The following TNXB variants were observed in gnomAD, a reference collection of about 807,000 sequenced individuals.
TNXB encodes the protein tenascin-X.
In TNXB, 183 loss-of-function variants were observed where a neutral mutation model predicts 340.5. The observed-to-expected ratio is 0.54, with a 90% CI of 0.48 to 0.61. TNXB has a LOEUF of 0.61. Ranked by LOEUF, TNXB falls within the 20% of genes least tolerant of loss-of-function variation. The pLI is 0.00. For synonymous variants in TNXB, 2,121 were observed against 2,314.5 expected (o/e 0.92, Z 2.40); for missense variants, 4,613 against 5,446.4 (o/e 0.85, Z 4.82).
chr6:32,098,170 G>C lies in TNXB; in HGVS notation c.29C>G (p.Ser10Cys), dbSNP rs747624258. Residue 10 changes from serine (S) to cysteine (C), a missense_variant, in exon 2 of 44, where the codon TCC (serine) becomes TGC (cysteine). This residue lies in a region of TNXB where 4,327 missense variants were observed against 4,859.4 expected (regional missense o/e 0.89). Transcript: ENST00000644971. ...CAGCAGCACCAGGAGAACCAGGCTGGAGGTTAGAGCATACTGGGCTGGCAT... is the reference window on the plus strand; with the variant it reads ...CAGCAGCACCAGGAGAACCAGGCTGCAGGTTAGAGCATACTGGGCTGGCAT... MMPAQYALT[S>C]SLVLLVLLST... The C allele has an allele frequency of 2.4e-5, 37 of 1,560,408 alleles. No homozygotes were observed. Among genetic ancestry groups the C allele is most frequent in the Non-Finnish European group, 3.1e-5 (36 of 1,148,924 alleles).
rs919704054 is a variant in TNXB at position 32,089,044 on chromosome 6, G to A, written c.2520C>T (p.Ile840=). ...CCACTCGGAGGTCCTGGGGCCCATCGATCACTAGCCAGGTTAAAGAGGAGG... is the reference window on the plus strand; with the variant it reads ...CCACTCGGAGGTCCTGGGGCCCATCAATCACTAGCCAGGTTAAAGAGGAGG... ...LPASKTITTM[I]DGPQDLRVVA... Residue 840 remains isoleucine (I), a synonymous_variant, in exon 6 of 44, where the codon ATC becomes ATT. Transcript: ENST00000644971. This position sits in a 1 kb window ranked among gnomAD's most constrained non-coding sequence, Gnocchi z 6.2. 5.9e-5 allele frequency: 95 copies of A among 1,608,472 alleles called. No homozygotes were observed. Among genetic ancestry groups the A allele is most frequent in the African/African-American group, 8.0e-5 (6 of 74,856 alleles).
Position 32,069,656 on chromosome 6 carries a change from C to T in TNXB, c.5484G>A (p.Glu1828=), listed in dbSNP as rs1778632805. The change falls in exon 15 of 44, where the codon GAG becomes GAA. Residue 1828 remains glutamate, a synonymous_variant. Transcript: ENST00000644971. The surrounding 1 kb of genome is among the most constrained non-coding windows in gnomAD (Gnocchi z 6.2). ...CAGGGTCCAGGCCCGGCACGCTGACCTCCCTGAGGCTGCCCTCCACGGGCA... is the reference window on the plus strand; with the variant it reads ...CAGGGTCCAGGCCCGGCACGCTGACTTCCCTGAGGCTGCCCTCCACGGGCA... ...QVVPVEGSLR[E]VSVPGLDPAH... is the part of the protein sequence containing the mutation. The T allele has an allele frequency of 1.2e-6, 2 of 1,612,990 alleles. No homozygotes were observed. Among genetic ancestry groups the T allele is most frequent in the Non-Finnish European group, 1.7e-6 (2 of 1,179,576 alleles).
At chr6:32,063,404 GAAAAAAAAA>G (rs529135591) in intron 19 of TNXB, among the ~76,000 whole-genome samples, 3 of 110,934 alleles carry the variant, frequency 2.7e-5, no homozygotes, top group African/African-American at 9.7e-5. Context: ...TCAACATAAA[GAAAAAAAAA>G]AAAAAGAAAA....
chr6:32,067,889 A>G lies in TNXB; in HGVS notation c.6316T>C (p.Ser2106Pro). The change falls in exon 18 of 44, where the codon TCC (serine) becomes CCC (proline). Residue 2106 changes from serine (S) to proline (P), a missense_variant. Physicochemically the swap from Ser to Pro is moderately conservative, Grantham distance 74. Around this residue, in one of 7 missense-constraint regions of TNXB, gnomAD observed 4,327 missense variants for 4,859.4 expected, o/e 0.89. Transcript: ENST00000644971. This position sits in a 1 kb window ranked among gnomAD's most constrained non-coding sequence, Gnocchi z 4.2. ...GAGAGGCTCAGCGAGTCAGGGGAGG[A>G]TCCTGTCACTGTTAGCTCCCCCAGG... ...PLLGELTVTGSSPDSLSLSWT... is the reference protein window; with the variant it reads ...PLLGELTVTGPSPDSLSLSWT... 1 of 1,612,554 alleles carries G rather than the reference A, an allele frequency of 6.2e-7. No individual in the cohort carries two copies. Among genetic ancestry groups the G allele is most frequent in the African/African-American group, 1.3e-5 (1 of 74,906 alleles).
Position 32,084,834 on chromosome 6 carries a change from G to T in TNXB, c.3149-125C>A. On this transcript the variant is annotated intron_variant, in intron 7 of 43. Coordinates refer to ENST00000644971, the MANE Select transcript of TNXB (RefSeq NM_001365276.2). This position sits in a 1 kb window ranked among gnomAD's most constrained non-coding sequence, Gnocchi z 5.5. ...GATCCCTCCCCGGAAGACTCTATCT[G>T]CCCACCCCTCAGTGACTAGCTCTTC... 1 of 791,462 alleles carries T rather than the reference G, an allele frequency of 1.3e-6. No individual in the cohort carries two copies. 49.0% of individuals were successfully genotyped at this position (791,462 alleles called of 1,614,324 possible).
Position 32,096,343 on chromosome 6 carries a change from G to A in TNXB, c.1510C>T (p.Arg504Cys). The A allele has an allele frequency of 1.3e-6, 2 of 1,546,350 alleles. No homozygotes were observed. The highest frequency in any genetic ancestry group is 1.7e-6 in the Non-Finnish European group (2 of 1,152,258). The change falls in exon 3 of 44, where the codon CGC becomes TGC. Residue 504 changes from arginine to cysteine, a missense_variant. Arg to Cys is a radical substitution (Grantham distance 180). Coordinates refer to ENST00000644971, the MANE Select transcript of TNXB (RefSeq NM_001365276.2). ...TRACPGDCRG[R>C]GRCVDGRCVC... Reference sequence around the variant, plus strand: ...CAGCGGCCATCCACGCAGCGCCCGCGCCCGCGACAGTCGCCAGGACAGGCG... The same window carrying A: ...CAGCGGCCATCCACGCAGCGCCCGCACCCGCGACAGTCGCCAGGACAGGCG...
intron 4 of TNXB, among the ~76,000 whole-genome samples, chr6:32,093,832 G>A (rs765971740): frequency 2.0e-5 from 3 of 152,158 alleles, no homozygotes; most frequent in African/African-American, 4.8e-5. Context: ...GCTCATGCCT[G>A]TAATCCCAGC....
rs140521811 is a variant in TNXB at position 32,083,070 on chromosome 6, C to T, written c.3446-744G>A. Among the ~76,000 whole-genome samples, 15 of 152,324 alleles carry T rather than the reference C, an allele frequency of 9.8e-5. No homozygotes were observed. In the East Asian group the frequency reaches 2.7e-3, roughly 27 times the overall value. On this transcript the variant is annotated intron_variant, in intron 8 of 43. Coordinates refer to ENST00000644971, the MANE Select transcript of TNXB (RefSeq NM_001365276.2). This position sits in a 1 kb window ranked among gnomAD's most constrained non-coding sequence, Gnocchi z 4.6. ...GATCCAGCTCCACCCCTCCACCAGG[C>T]AGCAGCTCTCATGCAGGCCAGGGGT...
rs1022266540 is a variant in TNXB at position 32,084,328 on chromosome 6, C to T, written c.3445+85G>A. On this transcript the variant is annotated intron_variant, in intron 8 of 43. Transcript: ENST00000644971. This position sits in a 1 kb window ranked among gnomAD's most constrained non-coding sequence, Gnocchi z 5.5. ...CACCACTGCCTCCAGGAAGCCTTCC[C>T]GGAGCTCCCAAAGCAGGTTCCCAAA... 14 of 1,341,596 alleles carry T rather than the reference C, an allele frequency of 1.0e-5. No individual in the cohort carries two copies. In the African/African-American group the frequency reaches 1.3e-4, roughly 13 times the overall value. The allele number at this position is 1,341,596 out of a possible 1,614,324, so 83.1% of individuals were successfully genotyped here.
At position 32,055,884 on chromosome 6, in the gene TNXB, G is replaced by A. The variant is rs753765905; in HGVS notation, c.8434C>T (p.Arg2812Cys). 1.9e-6 allele frequency: 3 copies of A among 1,612,630 alleles called. No individual in the cohort carries two copies. The highest frequency in any genetic ancestry group is 2.5e-6 in the Non-Finnish European group (3 of 1,179,372). ...CCCACGGTGGACACCGGGCCCACACGCCGCCCCTCGTGGAGGCCGTACAGG... is the reference window on the plus strand; with the variant it reads ...CCCACGGTGGACACCGGGCCCACACACCGCCCCTCGTGGAGGCCGTACAGG... Reference protein sequence around the residue: ...MHLYGLHEGRRVGPVSTVGVT... With the variant: ...MHLYGLHEGRCVGPVSTVGVT... Residue 2812 changes from arginine (R) to cysteine (C), a missense_variant, in exon 24 of 44, where the codon CGT (arginine) becomes TGT (cysteine). Arg to Cys is a radical substitution (Grantham distance 180, BLOSUM62 -3). This residue lies in a region of TNXB where 4,327 missense variants were observed against 4,859.4 expected (regional missense o/e 0.89). Transcript: ENST00000644971.
In TNXB at chr6:32,108,896, G is replaced by A. The variant is rs1781109258; in HGVS notation, c.-9+285C>T. On this transcript the variant is annotated intron_variant, in intron 1 of 43. Coordinates refer to ENST00000644971, the MANE Select transcript of TNXB (RefSeq NM_001365276.2). The surrounding 1 kb of genome is among the most constrained non-coding windows in gnomAD (Gnocchi z 4.8). Reference sequence around the variant, plus strand: ...CCCTGGTTCCACCATCTGACTCCCGGAGTCCCTCGGTTTGTTCCCAGCCCC... The same window carrying A: ...CCCTGGTTCCACCATCTGACTCCCGAAGTCCCTCGGTTTGTTCCCAGCCCC... Among the ~76,000 whole-genome samples the A allele has an allele frequency of 2.6e-5, 4 of 152,008 alleles. No homozygotes were observed. In the South Asian group the frequency reaches 8.3e-4, roughly 32 times the overall value.
rs1288990586 is a variant in TNXB, at chr6:32,052,665, C to T, written c.9115+5G>A. The T allele has an allele frequency of 6.2e-7, 1 of 1,611,818 alleles. No individual in the cohort carries two copies. Among genetic ancestry groups the T allele is most frequent in the Non-Finnish European group, 8.5e-7 (1 of 1,178,404 alleles). ...CCCCACCTCGCCTCACTCACACTTA[C>T]TCACCTGTCACACCCACAGCGGACA... is the stretch of plus-strand genomic sequence containing the variant. On this transcript the variant is annotated splice_donor_5th_base_variant and intron_variant, in intron 26 of 43. Transcript: ENST00000644971. The surrounding 1 kb of genome is among the most constrained non-coding windows in gnomAD (Gnocchi z 4.7).
chr6:32,061,850 G>C lies in TNXB; in HGVS notation c.7169-130C>G. Reference sequence around the variant, plus strand: ...CCAAGGCTATGACTAGGGGACCTGAGGTCAGTTCAGAGAGGCCCATTCTTG... The same window carrying C: ...CCAAGGCTATGACTAGGGGACCTGACGTCAGTTCAGAGAGGCCCATTCTTG... On this transcript the variant is annotated intron_variant, in intron 20 of 43. Coordinates refer to ENST00000644971, the MANE Select transcript of TNXB (RefSeq NM_001365276.2). The surrounding 1 kb of genome is among the most constrained non-coding windows in gnomAD (Gnocchi z 4.4). 7.6e-7 allele frequency: 1 copy of C among 1,311,162 alleles called. No homozygotes were observed. Among genetic ancestry groups the C allele is most frequent in the Non-Finnish European group, 1.0e-6 (1 of 971,458 alleles). The allele number at this position is 1,311,162 out of a possible 1,614,324, so 81.2% of individuals were successfully genotyped here.
Position 32,062,056 on chromosome 6 carries a change from G to T in TNXB, c.7168+101C>A. 7.2e-7 allele frequency: 1 copy of T among 1,397,388 alleles called. No individual in the cohort carries two copies. Among genetic ancestry groups the T allele is most frequent in the South Asian group, 1.4e-5 (1 of 71,926 alleles). The allele number at this position is 1,397,388 out of a possible 1,614,324, so 86.6% of individuals were successfully genotyped here. A position where few individuals can be genotyped will look rare whatever the true frequency, so the allele number is the denominator to read the frequency against. Reference sequence around the variant, plus strand: ...CAGCCCCAGCCACAAGTAGGTCTGTGGTGCTGACCAGACCCGTCCCATTCC... The same window carrying T: ...CAGCCCCAGCCACAAGTAGGTCTGTTGTGCTGACCAGACCCGTCCCATTCC... On this transcript the variant is annotated intron_variant, in intron 20 of 43. Transcript: ENST00000644971. The surrounding 1 kb of genome is among the most constrained non-coding windows in gnomAD (Gnocchi z 4.3).
Position 32,069,840 on chromosome 6 carries a change from T to C in TNXB, c.5300A>G (p.Asp1767Gly), listed in dbSNP as rs1485504511. 1.9e-6 allele frequency: 3 copies of C among 1,605,840 alleles called. No homozygotes were observed. The highest frequency in any genetic ancestry group is 2.6e-6 in the Non-Finnish European group (3 of 1,175,520). ...GTTEARSAMD[D>G]TGTKRPPKPR... ...TTTTGGGGGACGCTTTGTTCCAGTA[T>C]CATCCATAGCACTCCGGGCTTCTGA... is the stretch of plus-strand genomic sequence containing the variant. The change falls in exon 15 of 44, where the codon GAT becomes GGT. Residue 1767 changes from aspartate (D) to glycine (G), a missense_variant. Asp to Gly is a moderately conservative substitution (Grantham distance 94). This residue lies in a region of TNXB where 4,327 missense variants were observed against 4,859.4 expected (regional missense o/e 0.89). Transcript: ENST00000644971. The surrounding 1 kb of genome is among the most constrained non-coding windows in gnomAD (Gnocchi z 6.2).
chr6:32,050,899 C>T (rs1273693120), intron 26 of TNXB, among the ~76,000 whole-genome samples: 2 of 152,212 alleles, frequency 1.3e-5, no homozygotes, highest in Non-Finnish European at 2.9e-5. Context: ...ACCCCATCCC[C>T]ATCTTTAGCC....
chr6:32,077,468 A>G (rs1237531318), intron 11 of TNXB, among the ~76,000 whole-genome samples: 1 of 152,244 alleles, frequency 6.6e-6, no homozygotes, highest in Non-Finnish European at 1.5e-5. Flanking sequence ...CCCTTATAGT[A>G]AAAGTTATTT....
In TNXB at chr6:32,087,154, G is replaced by A; in HGVS notation, c.2780-1036C>T. Reference sequence around the variant, plus strand: ...TAGGGCCTGAAGGTAGAAGGGGGCAGTGGGGGGTGGCAGTGGGAGGAATTC... The same window carrying A: ...TAGGGCCTGAAGGTAGAAGGGGGCAATGGGGGGTGGCAGTGGGAGGAATTC... On this transcript the variant is annotated intron_variant, in intron 6 of 43. Transcript: ENST00000644971. The surrounding 1 kb of genome is among the most constrained non-coding windows in gnomAD (Gnocchi z 9.0). The A allele has an allele frequency of 2.3e-6, 1 of 433,946 alleles. No individual in the cohort carries two copies. The highest frequency in any genetic ancestry group is 2.4e-5 in the Admixed American group (1 of 41,500). 26.9% of individuals were successfully genotyped at this position (433,946 alleles called of 1,614,324 possible).
chr6:32,095,041 C>A lies in TNXB; in HGVS notation c.2358+35G>T, dbSNP rs544717269. On this transcript the variant is annotated intron_variant, in intron 4 of 43. Transcript: ENST00000644971. ...GAGCCCTGCCCCCCTGTCCTGCCCA[C>A]TCAGTCCCCTCCTGGAGCCTGGCAT... 103 of 1,522,870 alleles carry A rather than the reference C, an allele frequency of 6.8e-5. No homozygotes were observed. The African/African-American group carries it at 1.3e-3, about 19-fold the overall frequency. The allele number at this position is 1,522,870 out of a possible 1,614,324, so 94.3% of individuals were successfully genotyped here.
Sources: gnomAD v4.1 joint callset for allele counts (sites outside exome capture counted in the v4.1 genomes callset) on GRCh38, gnomAD v4.1.1 for gene constraint, gnomAD v4.1.1 regional missense constraint, Gnocchi (gnomAD v3.1) non-coding constraint, MANE v1.5 for transcripts, NCBI Gene and HGNC (gene_info 2026-07-23, HGNC 2026-07-21) for gene names.